The following C9orf85 variants were observed in gnomAD, a reference collection of about 807,000 sequenced individuals.
The protein encoded by C9orf85 is chromosome 9 open reading frame 85.
Under a neutral mutation model 14.9 loss-of-function variants are expected in C9orf85, and 16 were observed. The ratio of observed to expected loss-of-function variants is 1.08; its 90% CI spans 0.73 to 1.63. C9orf85 has a LOEUF of 1.63. Ranked by LOEUF, C9orf85 falls within the 40% of genes most tolerant of loss-of-function variation. C9orf85 has a pLI of 0.00. For synonymous variants in C9orf85, 45 were observed against 56.8 expected, an observed-to-expected ratio of 0.79 and a Z score of 0.93; for missense variants, 172 against 186.1, an observed-to-expected ratio of 0.92 and a Z score of 0.44.
chr9:71,961,519 C>T (rs918902946), intron 2 of C9orf85, among the ~76,000 whole-genome samples: 4 of 152,038 alleles, frequency 2.6e-5, no homozygotes, highest in Admixed American at 6.6e-5. Flanking sequence ...TGAGATCGCG[C>T]CACTGCACTC....
At chr9:71,932,157 C>T (rs1342078729) in intron 1 of C9orf85, among the ~76,000 whole-genome samples, 1 of 152,162 alleles carries the variant, frequency 6.6e-6, no homozygotes, top group East Asian at 1.9e-4. Flanking sequence ...AGATCTGATA[C>T]TCCAGTCTAC....
chr9:71,924,988 G>A (rs958870361), intron 1 of C9orf85, among the ~76,000 whole-genome samples: 2 of 151,878 alleles, frequency 1.3e-5, no homozygotes, highest in South Asian at 2.1e-4. Context: ...GAATTTAAAC[G>A]CACCAATACA....
At chr9:71,963,582 G>A (rs1035039697) in intron 2 of C9orf85, among the ~76,000 whole-genome samples, 5 of 152,210 alleles carry the variant, frequency 3.3e-5, no homozygotes, top group African/African-American at 7.2e-5. Context: ...AGGCGCTTGC[G>A]GGCCAGCTGG....
chr9:71,963,529 G>C (rs1822585023), intron 2 of C9orf85, among the ~76,000 whole-genome samples: 1 of 152,244 alleles, frequency 6.6e-6, no homozygotes, highest in African/African-American at 2.4e-5. Context: ...AGCTTGCAGG[G>C]AGGTGTGGAG....
chr9:71,965,208 C>A (rs1458823586), intron 2 of C9orf85, among the ~76,000 whole-genome samples: 1 of 152,118 alleles, frequency 6.6e-6, no homozygotes, highest in African/African-American at 2.4e-5. Flanking sequence ...GGTTTATATC[C>A]CAATTATTGT....
rs555280715 is a variant in C9orf85 at position 71,943,931 on chromosome 9, G to A, written c.103-3075G>A. ...TGCTTAAAGCAGCAATAACAACACT[G>A]ACTCTAAAATATATGTTGTATAGGC... On this transcript the variant is annotated intron_variant, in intron 1 of 3. Coordinates refer to ENST00000334731, the MANE Select transcript of C9orf85 (RefSeq NM_182505.5). Among the ~76,000 whole-genome samples, 8 of 151,030 alleles carry A rather than the reference G, an allele frequency of 5.3e-5. No homozygotes were observed. The South Asian group carries it at 1.1e-3, about 20-fold the overall frequency.
At chr9:71,958,524 A>C (rs1268423342) in intron 2 of C9orf85, among the ~76,000 whole-genome samples, 1 of 151,956 alleles carries the variant, frequency 6.6e-6, no homozygotes, top group East Asian at 1.9e-4. Context: ...AGCCTCCCAA[A>C]GTGCTGGGAT....
intron 2 of C9orf85, among the ~76,000 whole-genome samples, chr9:71,958,024 AG>A (rs1281158637): frequency 6.6e-6 from 1 of 152,014 alleles, no homozygotes; most frequent in African/African-American, 2.4e-5. Context: ...TAAGTGTAAA[AG>A]GTTGAAACCA....
intron 1 of C9orf85, among the ~76,000 whole-genome samples, chr9:71,925,004 A>G (rs1215193819): frequency 2.6e-5 from 4 of 152,360 alleles, no homozygotes; most frequent in East Asian, 1.9e-4. Context: ...ATACAGAACA[A>G]TGAGCAGTTC....
intron 3 of C9orf85, among the ~76,000 whole-genome samples, chr9:71,978,711 G>A (rs1175185343): frequency 2.0e-5 from 3 of 152,082 alleles, no homozygotes; most frequent in Admixed American, 2.0e-4. Context: ...TAGCTACACA[G>A]GTACAGAAAC....
chr9:71,912,147 C>T (rs1322375533), intron 1 of C9orf85, among the ~76,000 whole-genome samples: 1 of 152,078 alleles, frequency 6.6e-6, no homozygotes, highest in Non-Finnish European at 1.5e-5. Flanking sequence ...ATCACATTAG[C>T]AGAGGGAAAC....
At chr9:71,948,834 T>G (rs1365589286) in intron 2 of C9orf85, among the ~76,000 whole-genome samples, 1 of 102,724 alleles carries the variant, frequency 9.7e-6, no homozygotes, top group Non-Finnish European at 1.9e-5. Context: ...CCCCTTTAAA[T>G]AGTTTTACCA....
intron 2 of C9orf85, among the ~76,000 whole-genome samples, chr9:71,966,624 TA>T (rs113434939): frequency 5.7e-4 from 86 of 151,916 alleles, no homozygotes; most frequent in African/African-American, 2.0e-3. Flanking sequence ...GTCATGACTA[TA>T]AAAAAAACGC....
intron 1 of C9orf85, among the ~76,000 whole-genome samples, chr9:71,928,899 T>G (rs1037365886): frequency 6.6e-6 from 1 of 152,200 alleles, no homozygotes; most frequent in East Asian, 1.9e-4. Flanking sequence ...CTCTTTCTGC[T>G]GTTTCTAAGA....
At chr9:71,951,909 T>C (rs1484436829) in intron 2 of C9orf85, among the ~76,000 whole-genome samples, 2 of 152,070 alleles carry the variant, frequency 1.3e-5, no homozygotes, top group Non-Finnish European at 2.9e-5. Context: ...CGTAAAAATA[T>C]ATTAAATAAT....
intron 2 of C9orf85, among the ~76,000 whole-genome samples, chr9:71,954,932 C>G (rs980323323): frequency 6.6e-6 from 1 of 152,184 alleles, no homozygotes; most frequent in Middle Eastern, 3.2e-3. Context: ...TGCTTGCTCC[C>G]TCTTTGCTAC....
chr9:71,962,296 C>T (rs564842839), intron 2 of C9orf85, among the ~76,000 whole-genome samples: 10 of 152,160 alleles, frequency 6.6e-5, no homozygotes, highest in Non-Finnish European at 1.3e-4. Context: ...GTAATAAGTT[C>T]TTATACTCGA....
chr9:71,963,774 T>A (rs1822599021), intron 2 of C9orf85, among the ~76,000 whole-genome samples: 1 of 152,184 alleles, frequency 6.6e-6, no homozygotes. Context: ...GCTGCCTTCC[T>A]GCGGGGCAGA....
chr9:71,941,405 C>G (rs1443532954), intron 1 of C9orf85, among the ~76,000 whole-genome samples: 3 of 152,142 alleles, frequency 2.0e-5, no homozygotes, highest in African/African-American at 7.2e-5. Context: ...TGCCTCCTGA[C>G]TTGGAGTAAT....
Sources: gnomAD v4.1 joint callset for allele counts (sites outside exome capture counted in the v4.1 genomes callset) on GRCh38, gnomAD v4.1.1 for gene constraint, MANE v1.5 for transcripts, NCBI Gene and HGNC (gene_info 2026-07-23, HGNC 2026-07-21) for gene names.